The following NFXL1 variants were observed in gnomAD, a reference collection of about 807,000 sequenced individuals.
The protein encoded by NFXL1 is NF-X1-type zinc finger protein NFXL1.
Under a neutral mutation model 123.3 loss-of-function variants are expected in NFXL1, and 66 were observed. The ratio of observed to expected loss-of-function variants is 0.54; its 90% CI spans 0.44 to 0.66. The LOEUF is 0.66. NFXL1 is among the 30% of genes least tolerant of loss of function. The pLI, the probability that NFXL1 is intolerant of heterozygous loss-of-function variation, is 0.00. For missense variants in NFXL1, 944 were observed against 1,125.6 expected, an observed-to-expected ratio of 0.84 and a Z score of 2.31; for synonymous variants, 346 against 360.8, an observed-to-expected ratio of 0.96 and a Z score of 0.46.
intron 18 of NFXL1, among the ~76,000 whole-genome samples, chr4:47,867,279 A>C (rs1387199451): frequency 6.6e-6 from 1 of 152,162 alleles, no homozygotes; most frequent in Non-Finnish European, 1.5e-5. Context: ...CAGAAATAAA[A>C]ACTAAATTAC....
chr4:47,908,491 T>G (rs1737664566), intron 3 of NFXL1, among the ~76,000 whole-genome samples: 1 of 101,530 alleles, frequency 9.8e-6, no homozygotes, highest in Non-Finnish European at 2.1e-5. Flanking sequence ...CAAACTCTGC[T>G]ATGCTTCTGA....
Position 47,878,524 on chromosome 4 carries a change from C to T in NFXL1, c.2079+1G>A, listed in dbSNP as rs985060041. ...ATATACATTCAATCTAAGAACATTACCTTGTTTTTTCCAGTGCAGCCATCA... is the reference window on the plus strand; with the variant it reads ...ATATACATTCAATCTAAGAACATTATCTTGTTTTTTCCAGTGCAGCCATCA... On this transcript the variant is annotated splice_donor_variant, in intron 17 of 22. Transcript: ENST00000507489. LOFTEE classifies it high-confidence loss of function. The T allele has an allele frequency of 6.4e-7, 1 of 1,568,334 alleles. No individual in the cohort carries two copies. The highest frequency in any genetic ancestry group is 8.6e-7 in the Non-Finnish European group (1 of 1,158,358).
intron 15 of NFXL1, among the ~76,000 whole-genome samples, chr4:47,882,585 C>T (rs1322730010): frequency 2.6e-5 from 4 of 152,138 alleles, no homozygotes; most frequent in Admixed American, 6.6e-5. Flanking sequence ...AATGTTAATG[C>T]GCTTTTTCTT....
intron 19 of NFXL1, among the ~76,000 whole-genome samples, chr4:47,861,970 G>A (rs557982711): frequency 7.2e-5 from 11 of 151,934 alleles, no homozygotes; most frequent in Non-Finnish European, 1.3e-4. Flanking sequence ...CTTAGATAAG[G>A]GCATAAAGAC....
At chr4:47,908,954 CAAAAAAAAA>C (rs11457014) in intron 3 of NFXL1, among the ~76,000 whole-genome samples, 17 of 90,516 alleles carry the variant, frequency 1.9e-4, no homozygotes, top group African/African-American at 7.7e-4. Context: ...GACTCCGTCG[CAAAAAAAAA>C]AAAAAAAAAG....
chr4:47,862,611 T>C (rs1469107188), intron 19 of NFXL1, among the ~76,000 whole-genome samples: 2 of 152,216 alleles, frequency 1.3e-5, no homozygotes, highest in Admixed American at 6.5e-5. Flanking sequence ...GTATAAAGTA[T>C]GTAAGCTATC....
At position 47,903,300 on chromosome 4, in the gene NFXL1, G is replaced by C. The variant is rs1248517848; in HGVS notation, c.540C>G (p.Phe180Leu). The C allele has an allele frequency of 1.3e-5, 21 of 1,582,752 alleles. No individual in the cohort carries two copies. The East Asian group carries it at 4.7e-4, about 36-fold the overall frequency. Reference sequence around the variant, plus strand: ...GGATACAGGGCATGTGAAATATACAGAAACATCCCGAACAGCTCCAAACCT... The same window carrying C: ...GGATACAGGGCATGTGAAATATACACAAACATCCCGAACAGCTCCAAACCT... ...NQAVWSCSGC[F>L]CIFHMPCIQK... is the part of the protein sequence containing the mutation. Residue 180 changes from phenylalanine (F) to leucine (L), a missense_variant, in exon 5 of 23, where the codon TTC (phenylalanine) becomes TTG (leucine). This residue lies in a region of NFXL1 where 303 missense variants were observed against 292.1 expected (regional missense o/e 1.04). Transcript: ENST00000507489.
At chr4:47,870,204 G>A (rs866422875) in intron 18 of NFXL1, among the ~76,000 whole-genome samples, 25 of 152,110 alleles carry the variant, frequency 1.6e-4, no homozygotes, top group African/African-American at 4.8e-4. Context: ...CAAACGTAAC[G>A]TTGATACCCA....
intron 18 of NFXL1, among the ~76,000 whole-genome samples, chr4:47,874,472 T>C (rs936490880): frequency 6.6e-6 from 1 of 152,182 alleles, no homozygotes; most frequent in African/African-American, 2.4e-5. Context: ...CTGCTAGTGA[T>C]GCAGTTCAAT....
intron 12 of NFXL1, among the ~76,000 whole-genome samples, chr4:47,890,279 C>G (rs915091165): frequency 6.6e-6 from 1 of 151,778 alleles, no homozygotes; most frequent in African/African-American, 2.4e-5. Context: ...CTATGAACAC[C>G]TTCATTGATT....
Position 47,896,614 on chromosome 4 carries a change from GT to G in NFXL1, c.1237del (p.Thr413LeufsTer89), listed in dbSNP as rs1737101926. The G allele has an allele frequency of 6.2e-7, 1 of 1,610,606 alleles. No homozygotes were observed. Among genetic ancestry groups the G allele is most frequent in the Non-Finnish European group, 8.5e-7 (1 of 1,176,996 alleles). On this transcript the variant is annotated frameshift_variant, in exon 10 of 23. Coordinates refer to ENST00000507489, the MANE Select transcript of NFXL1 (RefSeq NM_001278624.2). LOFTEE classifies it high-confidence loss of function. ...TACTTTGTCACAACTGTCTCCACAAGTTGGTACATCTTCTGTACAAGGCAAA... is the reference window on the plus strand; with the variant it reads ...TACTTTGTCACAACTGTCTCCACAAGTGGTACATCTTCTGTACAAGGCAAA... Reference protein sequence around the residue: ...FSLPCTEDVPTCGDSCDKVLE... With the variant: ...FSLPCTEDVPXCGDSCDKVLE...
intron 21 of NFXL1, 98 bp from the exon 22 acceptor site, chr4:47,851,246 A>C: frequency 2.5e-6 from 2 of 795,432 alleles, no homozygotes; most frequent in Non-Finnish European, 4.2e-6. Context: ...ACCCATATCA[A>C]CTTTTAGGAG....
At position 47,875,286 on chromosome 4, in the gene NFXL1, G is replaced by A. The variant is rs749758783; in HGVS notation, c.2087C>T (p.Pro696Leu). 4 of 1,608,540 alleles carry A rather than the reference G, an allele frequency of 2.5e-6. No homozygotes were observed. The South Asian group carries it at 3.3e-5, about 13-fold the overall frequency. Residue 696 changes from proline (P) to leucine (L), a missense_variant, in exon 18 of 23, where the codon CCA (proline) becomes CTA (leucine). Physicochemically the swap from Pro to Leu is moderately conservative, Grantham distance 98 (BLOSUM62 -3). Transcript: ENST00000507489. ...CCCTTCCTCACAATGAAGGCATTCT[G>A]GGCCAGCCTGAAAAACAGCATGGAA... ...DGCTGKNKAG[P>L]ECLHCEEGCS...
chr4:47,890,641 G>C lies in NFXL1; in HGVS notation c.1515C>G (p.Asn505Lys). The change falls in exon 12 of 23, where the codon AAC becomes AAG. Residue 505 changes from asparagine (N) to lysine (K), a missense_variant. Physicochemically the swap from Asn to Lys is moderately conservative, Grantham distance 94. Transcript: ENST00000507489. ...QNCGRTLGCRNHKCPSVCHRG... is the reference protein window; with the variant it reads ...QNCGRTLGCRKHKCPSVCHRG... ...TGTGACAGACAGATGGACACTTATG[G>C]TTTCTACATCCTAAAGTCCGTCCAC... 2 of 1,607,674 alleles carry C rather than the reference G, an allele frequency of 1.2e-6. No homozygotes were observed. The highest frequency in any genetic ancestry group is 1.7e-6 in the Non-Finnish European group (2 of 1,174,430).
chr4:47,884,501 T>A lies in NFXL1; in HGVS notation c.1825-64A>T, dbSNP rs143427812. On this transcript the variant is annotated intron_variant, in intron 14 of 22. Transcript: ENST00000507489. ...TTAAATCATATGGCCATTTTAAGAA[T>A]CTAAGAAAATAGTTCCATGTATCCT... 303 of 1,002,314 alleles carry A rather than the reference T, an allele frequency of 3.0e-4. 2 individuals are homozygous for A. In the African/African-American group the frequency reaches 4.4e-3, roughly 14 times the overall value. The allele number at this position is 1,002,314 out of a possible 1,614,324, so 62.1% of individuals were successfully genotyped here. A position where few individuals can be genotyped will look rare whatever the true frequency, so the allele number is the denominator to read the frequency against.
At chr4:47,850,071 C>A (rs1371514780) in intron 22 of NFXL1, among the ~76,000 whole-genome samples, 1 of 151,612 alleles carries the variant, frequency 6.6e-6, no homozygotes, top group Non-Finnish European at 1.5e-5. Flanking sequence ...AGTCAGTAAA[C>A]AGGGAATGTA....
At position 47,847,533 on chromosome 4, in the gene NFXL1, A is replaced by G. The variant is rs1201864113; in HGVS notation, c.*630T>C. 6.6e-6 allele frequency: 1 copy of G among 152,284 alleles called. No individual in the cohort carries two copies. Among genetic ancestry groups the G allele is most frequent in the Non-Finnish European group, 1.5e-5 (1 of 68,042 alleles). The allele number at this position is 152,284 out of a possible 1,614,324, so 9.4% of individuals were successfully genotyped here. On this transcript the variant is annotated 3_prime_UTR_variant, in exon 23 of 23. Transcript: ENST00000507489. ...TTACGAAACATGCCAACTTCAGTTA[A>G]AAGCTTCTTACATAAGAAATAGCCA...
intron 17 of NFXL1, among the ~76,000 whole-genome samples, chr4:47,875,746 G>A (rs559586755): frequency 7.2e-5 from 11 of 152,216 alleles, no homozygotes; most frequent in African/African-American, 2.4e-4. Context: ...AAACAGTCTG[G>A]AGGTAATTAT....
At chr4:47,869,618 A>T (rs879473796) in intron 18 of NFXL1, among the ~76,000 whole-genome samples, 1 of 152,210 alleles carries the variant, frequency 6.6e-6, no homozygotes, top group East Asian at 1.9e-4. Flanking sequence ...TAAATAATCC[A>T]TAAGCTTTAA....
Sources: allele counts gnomAD v4.1 joint callset (sites outside exome capture counted in the v4.1 genomes callset), GRCh38; gene constraint gnomAD v4.1.1; regional missense constraint gnomAD v4.1.1; transcripts MANE v1.5; gene names NCBI Gene and HGNC (gene_info 2026-07-23, HGNC 2026-07-21).